The following ORC3 variants were observed in gnomAD, a reference collection of about 807,000 sequenced individuals.
ORC3 encodes the protein origin recognition complex subunit 3, also known as homolog of latheo, Drosophila.
ORC3 carries 78 observed loss-of-function variants against 100.7 expected under a neutral mutation model. That is an observed-to-expected ratio of 0.77 (90% CI 0.65 to 0.94). The LOEUF (loss-of-function observed/expected upper bound fraction) is 0.94, where lower values mean the gene tolerates loss of function less well. ORC3 is among the 40% of genes least tolerant of loss of function. The pLI, the probability that ORC3 is intolerant of heterozygous loss-of-function variation, is 0.00. For missense variants in ORC3, 789 were observed against 823.9 expected, an observed-to-expected ratio of 0.96 and a Z score of 0.52; for synonymous variants, 295 against 289.3, an observed-to-expected ratio of 1.02 and a Z score of -0.20.
At chr6:87,636,289 C>A in intron 12 of ORC3, 118 bp from the exon 13 acceptor site, 1 of 660,210 alleles carries the variant, frequency 1.5e-6, no homozygotes, top group South Asian at 1.9e-5. Context: ...CTATTATAAT[C>A]TAAAGAAAAT....
intron 16 of ORC3, among the ~76,000 whole-genome samples, chr6:87,660,639 A>C (rs184594913): frequency 6.6e-6 from 1 of 152,244 alleles, no homozygotes; most frequent in Non-Finnish European, 1.5e-5. Flanking sequence ...GAGAGATGAG[A>C]ATAAATTGCC....
At chr6:87,669,847 A>G (rs1582107369), downstream of ORC3, among the ~76,000 whole-genome samples, 2 of 152,216 alleles carry the variant, frequency 1.3e-5, no homozygotes, top group Non-Finnish European at 2.9e-5. Flanking sequence ...TTCCAATACA[A>G]GGACACCATC....
intron 11 of ORC3, among the ~76,000 whole-genome samples, chr6:87,633,913 C>T (rs1384957880): frequency 2.6e-5 from 4 of 152,280 alleles, no homozygotes; most frequent in Middle Eastern, 6.8e-3. Flanking sequence ...CTCAACAAAA[C>T]CTTTTGAAAC....
At position 87,609,345 on chromosome 6, in the gene ORC3, C is replaced by A; in HGVS notation, c.713+116C>A. On this transcript the variant is annotated intron_variant, in intron 7 of 19. Coordinates refer to ENST00000392844, the MANE Select transcript of ORC3 (RefSeq NM_012381.4). ...CCAACTGGATAAAAATCAAAGTATT[C>A]AAATTCTTTATAATTGAATATTCAA... is the stretch of plus-strand genomic sequence containing the variant. The A allele has an allele frequency of 1.3e-5, 9 of 684,126 alleles. No homozygotes were observed. In the South Asian group the frequency reaches 2.6e-4, roughly 20 times the overall value. The allele number at this position is 684,126 out of a possible 1,614,324, so 42.4% of individuals were successfully genotyped here. A position where few individuals can be genotyped will look rare whatever the true frequency, so the allele number is the denominator to read the frequency against.
At chr6:87,611,001 A>G (rs1394250095) in intron 7 of ORC3, among the ~76,000 whole-genome samples, 1 of 135,062 alleles carries the variant, frequency 7.4e-6, no homozygotes, top group Admixed American at 8.6e-5. Context: ...CAGTGACATG[A>G]TCTTGGCTCA....
chr6:87,657,405 T>C (rs1226279955), intron 15 of ORC3, among the ~76,000 whole-genome samples: 2 of 152,254 alleles, frequency 1.3e-5, no homozygotes, highest in Non-Finnish European at 2.9e-5. Flanking sequence ...AGAGCAGAAA[T>C]TGAGCCACAG....
chr6:87,664,261 A>T (rs1167868623), intron 17 of ORC3, among the ~76,000 whole-genome samples: 1 of 152,070 alleles, frequency 6.6e-6, no homozygotes, highest in African/African-American at 2.4e-5. Flanking sequence ...AGAAACACTG[A>T]TGGTTTCTAT....
intron 1 of ORC3, among the ~76,000 whole-genome samples, chr6:87,591,253 G>T (rs912823209): frequency 1.3e-5 from 2 of 152,272 alleles, no homozygotes; most frequent in Non-Finnish European, 2.9e-5. Context: ...AGTGCAGCGG[G>T]AAGCCCCTGA....
chr6:87,607,696 T>A lies in ORC3; in HGVS notation c.451T>A (p.Leu151Met). ...CPDMKHFLQKLISQLMDCCVD... is the reference protein window; with the variant it reads ...CPDMKHFLQKMISQLMDCCVD... ...AGATATGAAACATTTTTTGCAAAAG[T>A]TGATCTCACAGTTGATGGACTGCTG... The change falls in exon 6 of 20, where the codon TTG (leucine) becomes ATG (methionine). Residue 151 changes from leucine (L) to methionine (M), a missense_variant. Leu to Met is a conservative substitution (Grantham distance 15). This residue lies in a region of ORC3 where 399 missense variants were observed against 382.0 expected (regional missense o/e 1.04). Transcript: ENST00000392844. 1 of 1,605,878 alleles carries A rather than the reference T, an allele frequency of 6.2e-7. No individual in the cohort carries two copies. Among genetic ancestry groups the A allele is most frequent in the Non-Finnish European group, 8.5e-7 (1 of 1,177,008 alleles).
intron 11 of ORC3, among the ~76,000 whole-genome samples, chr6:87,624,757 G>A (rs910510192): frequency 5.3e-5 from 8 of 151,858 alleles, no homozygotes; most frequent in African/African-American, 1.7e-4. Flanking sequence ...GGTTTGTTAC[G>A]TGGGTATATG....
At chr6:87,610,934 CTTTTTTTTTTTTTT>C (rs67349945) in intron 7 of ORC3, among the ~76,000 whole-genome samples, 1 of 106,788 alleles carries the variant, frequency 9.4e-6, no homozygotes, top group African/African-American at 3.7e-5. Context: ...TAGGACTTTT[CTTTTTTTTTTTTTT>C]TTTTTTGAGA....
intron 13 of ORC3, among the ~76,000 whole-genome samples, 160 bp from the exon 14 acceptor site, chr6:87,652,956 A>G (rs41273297): frequency 0.11 from 16,388 of 152,284 alleles, 932 homozygotes; most frequent in East Asian, 0.15. Flanking sequence ...TGAATGTCAC[A>G]TATATGGAGG....
intron 11 of ORC3, among the ~76,000 whole-genome samples, chr6:87,633,939 A>G (rs1337290330): frequency 6.6e-6 from 1 of 152,190 alleles, no homozygotes; most frequent in East Asian, 1.9e-4. Flanking sequence ...TGTGAGATTA[A>G]TCATCCATAG....
At chr6:87,638,807 A>G (rs959271466) in intron 13 of ORC3, among the ~76,000 whole-genome samples, 1 of 152,014 alleles carries the variant, frequency 6.6e-6, no homozygotes, top group Non-Finnish European at 1.5e-5. Flanking sequence ...TTAACACATT[A>G]TTTTTTCACT....
chr6:87,604,708 T>A (rs1778206091), intron 4 of ORC3, among the ~76,000 whole-genome samples: 1 of 152,250 alleles, frequency 6.6e-6, no homozygotes, highest in Admixed American at 6.5e-5. Flanking sequence ...ACCCAGTGTT[T>A]TACTGAACTT....
At chr6:87,620,146 T>G (rs1444957560) in intron 9 of ORC3, among the ~76,000 whole-genome samples, 1 of 152,222 alleles carries the variant, frequency 6.6e-6, no homozygotes, top group Non-Finnish European at 1.5e-5. Flanking sequence ...GTAGCTCTAC[T>G]GTAACTTCTG....
intron 11 of ORC3, among the ~76,000 whole-genome samples, chr6:87,630,545 C>G (rs562322120): frequency 1.3e-5 from 2 of 152,250 alleles, no homozygotes; most frequent in South Asian, 4.1e-4. Context: ...ACCAAACAGC[C>G]AAAACTTCTA....
At chr6:87,590,338 A>G (rs1157929544) in intron 1 of ORC3, 146 bp downstream of exon 1, 2 of 860,632 alleles carry the variant, frequency 2.3e-6, no homozygotes, top group East Asian at 2.5e-5. Context: ...TCCTTGCTCC[A>G]GATCAGTTGA....
chr6:87,649,361 T>C (rs145898548), intron 13 of ORC3, among the ~76,000 whole-genome samples: 36 of 152,334 alleles, frequency 2.4e-4, no homozygotes, highest in Admixed American at 4.6e-4. Context: ...GTTTAATGTA[T>C]TTACAGCCCT....
Sources: allele counts gnomAD v4.1 joint callset (sites outside exome capture counted in the v4.1 genomes callset), GRCh38; gene constraint gnomAD v4.1.1; regional missense constraint gnomAD v4.1.1; transcripts MANE v1.5; gene names NCBI Gene and HGNC (gene_info 2026-07-23, HGNC 2026-07-21).